Variants in LRRC40 observed in about 807,000 individuals in gnomAD.
LRRC40 encodes leucine-rich repeat-containing protein 40.
Under a neutral mutation model 72.8 loss-of-function variants are expected in LRRC40, and 76 were observed. The observed-to-expected ratio is 1.04, with a 90% CI of 0.87 to 1.26. LRRC40 has a LOEUF of 1.26. Among genes scored for constraint, LRRC40 ranks in the 50% most tolerant of loss-of-function variants. The pLI, the probability that LRRC40 is intolerant of heterozygous loss-of-function variation, is 0.00. For missense variants in LRRC40, 684 were observed against 698.9 expected (o/e 0.98, Z 0.24); for synonymous variants, 243 against 254.2 (o/e 0.96, Z 0.42).
At chr1:70,159,170 A>T (rs976128926) in intron 10 of LRRC40, among the ~76,000 whole-genome samples, 160 bp downstream of exon 10, 7 of 152,182 alleles carry the variant, frequency 4.6e-5, no homozygotes, top group Non-Finnish European at 8.8e-5. Context: ...TGTTTAAAAA[A>T]AAATAAATTA....
chr1:70,192,175 G>A (rs1321926244), intron 1 of LRRC40, among the ~76,000 whole-genome samples: 2 of 152,050 alleles, frequency 1.3e-5, no homozygotes, highest in Non-Finnish European at 2.9e-5. Flanking sequence ...TCATTGTAGA[G>A]ATCTTTCACC....
chr1:70,198,157 G>A (rs546819186), intron 1 of LRRC40, among the ~76,000 whole-genome samples: 1 of 152,142 alleles, frequency 6.6e-6, no homozygotes, highest in South Asian at 2.1e-4. Context: ...TCATGATTAG[G>A]TGCCCTAGAC....
chr1:70,161,137 G>A (rs1430891298), intron 9 of LRRC40, among the ~76,000 whole-genome samples: 1 of 151,400 alleles, frequency 6.6e-6, no homozygotes, highest in Non-Finnish European at 1.5e-5. Context: ...GCCCAGGCTG[G>A]AGTGCAGTGG....
chr1:70,177,987 TTAA>T (rs1178682538), intron 6 of LRRC40, among the ~76,000 whole-genome samples: 1 of 152,242 alleles, frequency 6.6e-6, no homozygotes, highest in African/African-American at 2.4e-5. Flanking sequence ...TATGATTTTC[TTAA>T]TAAGATTCTT....
At chr1:70,158,194 G>A (rs541575982) in intron 10 of LRRC40, among the ~76,000 whole-genome samples, 70 of 151,538 alleles carry the variant, frequency 4.6e-4, no homozygotes, top group African/African-American at 1.5e-3. Flanking sequence ...CTGTGTTAGC[G>A]TGGCAAAAGA....
At chr1:70,154,440 C>T (rs1290681476) in intron 11 of LRRC40, among the ~76,000 whole-genome samples, 1 of 152,040 alleles carries the variant, frequency 6.6e-6, no homozygotes, top group Non-Finnish European at 1.5e-5. Flanking sequence ...TTATTTGATC[C>T]AGGACCCCCC....
intron 9 of LRRC40, among the ~76,000 whole-genome samples, 200 bp downstream of exon 9, chr1:70,173,265 T>C (rs1461430781): frequency 6.6e-6 from 1 of 152,046 alleles, no homozygotes; most frequent in Non-Finnish European, 1.5e-5. Flanking sequence ...TTACAGATAG[T>C]ACATTATTAT....
intron 4 of LRRC40, among the ~76,000 whole-genome samples, chr1:70,183,454 C>A (rs1484629658): frequency 1.3e-5 from 2 of 151,814 alleles, no homozygotes; most frequent in Non-Finnish European, 2.9e-5. Flanking sequence ...TTGACTTACA[C>A]TCAAATTCTA....
At chr1:70,188,372 A>G (rs1437675077) in intron 2 of LRRC40, among the ~76,000 whole-genome samples, 1 of 152,220 alleles carries the variant, frequency 6.6e-6, no homozygotes, top group Non-Finnish European at 1.5e-5. Context: ...AATTTAACTC[A>G]ATGAGGTTGA....
Position 70,175,933 on chromosome 1 carries a change from A to C in LRRC40, c.854T>G (p.Leu285Arg). ...CACAAGAATTGAATTCAGATGTTTA[A>C]GATGTTCTGCCTCTAACATTTCAAT... ...NQIEMLEAEH[L>R]KHLNSILVLD... The change falls in exon 7 of 15, where the codon CTT becomes CGT. Residue 285 changes from leucine (L) to arginine (R), a missense_variant. Leu to Arg is a moderately radical substitution (Grantham distance 102). Coordinates refer to ENST00000370952, the MANE Select transcript of LRRC40 (RefSeq NM_017768.5). 1.3e-6 allele frequency: 2 copies of C among 1,596,198 alleles called. No individual in the cohort carries two copies. Among genetic ancestry groups the C allele is most frequent in the Non-Finnish European group, 1.7e-6 (2 of 1,174,682 alleles).
At chr1:70,151,391 T>C (rs1397914089) in intron 12 of LRRC40, among the ~76,000 whole-genome samples, 186 bp from the exon 13 acceptor site, 1 of 152,198 alleles carries the variant, frequency 6.6e-6, no homozygotes, top group African/African-American at 2.4e-5. Flanking sequence ...TCGGTTAGTA[T>C]GCCAAATCCT....
chr1:70,196,326 G>T (rs1361346194), intron 1 of LRRC40, among the ~76,000 whole-genome samples: 1 of 152,118 alleles, frequency 6.6e-6, no homozygotes, highest in African/African-American at 2.4e-5. Flanking sequence ...ATAGCAGGAG[G>T]ATCATTTGAG....
intron 14 of LRRC40, among the ~76,000 whole-genome samples, chr1:70,147,638 T>C (rs1044517177): frequency 2.4e-4 from 36 of 152,174 alleles, no homozygotes; most frequent in African/African-American, 7.0e-4. Flanking sequence ...AGAGTGTCTA[T>C]AGAACATAAC....
chr1:70,180,605 G>A (rs1668222088), intron 5 of LRRC40, among the ~76,000 whole-genome samples: 1 of 151,996 alleles, frequency 6.6e-6, no homozygotes, highest in African/African-American at 2.4e-5. Context: ...TGGTTTGATG[G>A]CAAATTTTAA....
chr1:70,201,932 A>T (rs1571502795), intron 1 of LRRC40, among the ~76,000 whole-genome samples: 1 of 152,054 alleles, frequency 6.6e-6, no homozygotes, highest in East Asian at 1.9e-4. Flanking sequence ...AGCTGAGATC[A>T]CGCCATTGCA....
At chr1:70,183,051 T>A (rs1052924543) in intron 4 of LRRC40, among the ~76,000 whole-genome samples, 2 of 152,186 alleles carry the variant, frequency 1.3e-5, no homozygotes, top group African/African-American at 4.8e-5. Flanking sequence ...ATTCATTTTA[T>A]CTACCTATGC....
Position 70,193,237 on chromosome 1 carries a change from C to G in LRRC40, c.152-3964G>C, listed in dbSNP as rs903879636. 3.3e-5 allele frequency among the ~76,000 whole-genome samples: 5 copies of G among 150,510 alleles called. No homozygotes were observed. In the East Asian group the frequency reaches 9.8e-4, roughly 29 times the overall value. ...TAAAAAGACTAATAAATTGATAAAC[C>G]CTTAGCTAGACAGATGAAGAAAAAA... is the stretch of plus-strand genomic sequence containing the variant. On this transcript the variant is annotated intron_variant, in intron 1 of 14. Transcript: ENST00000370952.
Position 70,173,449 on chromosome 1 carries a change from G to T in LRRC40, c.1111+16C>A. The T allele has an allele frequency of 1.3e-6, 2 of 1,557,366 alleles. No homozygotes were observed. The highest frequency in any genetic ancestry group is 1.8e-6 in the Non-Finnish European group (2 of 1,130,822). On this transcript the variant is annotated intron_variant, in intron 9 of 14. Transcript: ENST00000370952. Reference sequence around the variant, plus strand: ...TTTATGAATCCTTCAAAATATAAGAGAACATTTTAAAGTACCTTTGATCTT... The same window carrying T: ...TTTATGAATCCTTCAAAATATAAGATAACATTTTAAAGTACCTTTGATCTT...
chr1:70,190,177 G>A (rs1164961435), intron 1 of LRRC40, among the ~76,000 whole-genome samples: 1 of 152,156 alleles, frequency 6.6e-6, no homozygotes, highest in Non-Finnish European at 1.5e-5. Flanking sequence ...GGATGATGTA[G>A]AACTTCAAGC....
Sources: gnomAD v4.1 joint callset for allele counts (sites outside exome capture counted in the v4.1 genomes callset) on GRCh38, gnomAD v4.1.1 for gene constraint, MANE v1.5 for transcripts, NCBI Gene and HGNC (gene_info 2026-07-23, HGNC 2026-07-21) for gene names.